SENP8: variants seen among roughly 807,000 people sequenced by gnomAD.
SENP8 encodes the protein sentrin-specific protease 8.
Under a neutral mutation model 14.4 loss-of-function variants are expected in SENP8, and 10 were observed. The ratio of observed to expected loss-of-function variants is 0.69; its 90% CI spans 0.43 to 1.18. The LOEUF (loss-of-function observed/expected upper bound fraction) is 1.18, where lower values mean the gene tolerates loss of function less well. Among genes scored for constraint, SENP8 ranks in the 50% most tolerant of loss-of-function variants. The probability of loss-of-function intolerance (pLI) is 0.00; values close to 1 mark genes in which losing one functional copy is unlikely to be tolerated. For synonymous variants in SENP8, 94 were observed against 95.5 expected (o/e 0.98, Z 0.09); for missense variants, 202 against 249.4 (o/e 0.81, Z 1.28).
chr15:72,135,140 C>T (rs547499658), intron 1 of SENP8: 38 of 201,866 alleles, frequency 1.9e-4, no homozygotes, highest in African/African-American at 8.6e-4. Context: ...CAGCTCACTG[C>T]AACCTCTGCC....
chr15:72,126,786 G>C (rs187769325), intron 1 of SENP8, among the ~76,000 whole-genome samples: 233 of 152,248 alleles, frequency 1.5e-3, no homozygotes, highest in Middle Eastern at 6.8e-3. Context: ...TATGAGAACA[G>C]ACTCTCTCAT....
chr15:72,136,819 G>A (rs2081332048), intron 1 of SENP8, among the ~76,000 whole-genome samples: 1 of 152,136 alleles, frequency 6.6e-6, no homozygotes. Flanking sequence ...ATCTGCATGT[G>A]ACAGTTTATT....
chr15:72,124,494 T>C (rs756094301), intron 1 of SENP8, among the ~76,000 whole-genome samples: 1 of 152,204 alleles, frequency 6.6e-6, no homozygotes, highest in Non-Finnish European at 1.5e-5. Context: ...GCATATTTGG[T>C]CTTGGATGTG....
At chr15:72,138,349 CTT>C (rs370827895) in intron 1 of SENP8, among the ~76,000 whole-genome samples, 40 of 135,554 alleles carry the variant, frequency 3.0e-4, no homozygotes, top group Middle Eastern at 3.8e-3. Context: ...CTAGGTATAA[CTT>C]TTTTTTTTTT....
intron 1 of SENP8, among the ~76,000 whole-genome samples, chr15:72,135,628 A>C (rs1052591139): frequency 6.6e-6 from 1 of 152,206 alleles, no homozygotes; most frequent in South Asian, 2.1e-4. Flanking sequence ...AGGCTAGTTG[A>C]GTTCTATTTG....
rs556017307 is a variant in SENP8, at chr15:72,142,085, CTTATAAGTAAAT to C, written c.*1838_*1849del. 5.3e-4 allele frequency: 80 copies of C among 152,234 alleles called. No homozygotes were observed. Among genetic ancestry groups the C allele is most frequent in the African/African-American group, 1.9e-3 (80 of 41,552 alleles). 9.4% of individuals were successfully genotyped at this position (152,234 alleles called of 1,614,324 possible). A position where few individuals can be genotyped will look rare whatever the true frequency, so the allele number is the denominator to read the frequency against. ...TCTTTCCTAACTCCCTACGATTCAT[CTTATAAGTAAAT>C]TTATAAGTAAATTTTTAAACTACAC... On this transcript the variant is annotated 3_prime_UTR_variant, in exon 2 of 2. Coordinates refer to ENST00000340912, the MANE Select transcript of SENP8 (RefSeq NM_145204.4).
At position 72,119,178 on chromosome 15, in the gene SENP8, A is replaced by G. The variant is rs372255470; in HGVS notation, c.-48+714A>G. Among the ~76,000 whole-genome samples, 23 of 152,362 alleles carry G rather than the reference A, an allele frequency of 1.5e-4. No homozygotes were observed. In the East Asian group the frequency reaches 4.2e-3, roughly 28 times the overall value. ...TAGGTAGAAGACTCAAAAGCGTACC[A>G]TGAAACCGAGAAGTGGCCTCTTCGA... On this transcript the variant is annotated intron_variant, in intron 1 of 1. Coordinates refer to ENST00000340912, the MANE Select transcript of SENP8 (RefSeq NM_145204.4).
At chr15:72,127,086 T>C (rs2081227805) in intron 1 of SENP8, among the ~76,000 whole-genome samples, 1 of 152,234 alleles carries the variant, frequency 6.6e-6, no homozygotes. Context: ...ATTCATTTAT[T>C]CTACAATTAT....
chr15:72,124,911 C>G (rs1047366927), intron 1 of SENP8, among the ~76,000 whole-genome samples: 1 of 152,058 alleles, frequency 6.6e-6, no homozygotes, highest in Non-Finnish European at 1.5e-5. Context: ...ATATTTTTAT[C>G]ATATACAGAT....
At chr15:72,127,229 CAG>C (rs1417100928) in intron 1 of SENP8, among the ~76,000 whole-genome samples, 1 of 151,890 alleles carries the variant, frequency 6.6e-6, no homozygotes, top group Non-Finnish European at 1.5e-5. Context: ...AGAGAAGAGG[CAG>C]GGGGAGGAAA....
At chr15:72,136,647 C>T (rs193164804) in intron 1 of SENP8, among the ~76,000 whole-genome samples, 73 of 152,036 alleles carry the variant, frequency 4.8e-4, no homozygotes, top group African/African-American at 1.7e-3. Context: ...TTTTGTTACA[C>T]GAAAATGGTT....
intron 1 of SENP8, among the ~76,000 whole-genome samples, chr15:72,126,484 G>A (rs986970926): frequency 2.0e-5 from 3 of 152,194 alleles, no homozygotes; most frequent in Admixed American, 2.0e-4. Context: ...AATTAGCCAG[G>A]CACAGTGGCA....
chr15:72,114,939 C>A (rs1373714629), upstream of SENP8, among the ~76,000 whole-genome samples: 2 of 152,124 alleles, frequency 1.3e-5, no homozygotes, highest in African/African-American at 4.8e-5. Context: ...AAAGACTGAA[C>A]AAACTTCCAC....
chr15:72,119,734 C>A (rs1188084136), intron 1 of SENP8, among the ~76,000 whole-genome samples: 1 of 151,902 alleles, frequency 6.6e-6, no homozygotes, highest in Non-Finnish European at 1.5e-5. Flanking sequence ...GGTGACAGAG[C>A]GAGACTCCGT....
At chr15:72,127,099 A>G (rs2081228033) in intron 1 of SENP8, among the ~76,000 whole-genome samples, 1 of 152,158 alleles carries the variant, frequency 6.6e-6, no homozygotes, top group African/African-American at 2.4e-5. Flanking sequence ...ACAATTATTT[A>G]TTGAGTACCT....
Position 72,120,632 on chromosome 15 carries a change from G to A in SENP8, c.-48+2168G>A, listed in dbSNP as rs371852668. On this transcript the variant is annotated intron_variant, in intron 1 of 1. Transcript: ENST00000340912. ...TTCTTAAATATATAAAATAGAATAC[G>A]TAGTAATATAAAGGAAACTAATTTT... is the stretch of plus-strand genomic sequence containing the variant. Among the ~76,000 whole-genome samples, 22 of 152,200 alleles carry A rather than the reference G, an allele frequency of 1.4e-4. No individual in the cohort carries two copies. The East Asian group carries it at 1.5e-3, about 11-fold the overall frequency.
chr15:72,128,292 G>C (rs1458441606), intron 1 of SENP8, among the ~76,000 whole-genome samples: 1 of 152,210 alleles, frequency 6.6e-6, no homozygotes, highest in Non-Finnish European at 1.5e-5. Context: ...TTAACCAAAT[G>C]AATAAATTTA....
At position 72,142,693 on chromosome 15, in the gene SENP8, T is replaced by C. The variant is rs2081388056; in HGVS notation, c.*2431T>C. 1 of 152,208 alleles carries C rather than the reference T, an allele frequency of 6.6e-6. No individual in the cohort carries two copies. The highest frequency in any genetic ancestry group is 1.5e-5 in the Non-Finnish European group (1 of 68,046). 9.4% of individuals were successfully genotyped at this position (152,208 alleles called of 1,614,324 possible). On this transcript the variant is annotated 3_prime_UTR_variant, in exon 2 of 2. Coordinates refer to ENST00000340912, the MANE Select transcript of SENP8 (RefSeq NM_145204.4). ...AATATAAGTATCAGTGGGTTTCCTA[T>C]GTAATAGTGTTTAAAACACAAATAT...
At position 72,140,267 on chromosome 15, in the gene SENP8, T is replaced by G; in HGVS notation, c.*5T>G. ...ACCACACTTGCTAAAAAGTAGCTAT[T>G]GAAGTATATTTGCGACTTTTGAAGG... On this transcript the variant is annotated 3_prime_UTR_variant, in exon 2 of 2. Transcript: ENST00000340912. 6.2e-7 allele frequency: 1 copy of G among 1,606,114 alleles called. No individual in the cohort carries two copies. Among genetic ancestry groups the G allele is most frequent in the Non-Finnish European group, 8.5e-7 (1 of 1,173,446 alleles).
Sources: allele counts gnomAD v4.1 joint callset (sites outside exome capture counted in the v4.1 genomes callset), GRCh38; gene constraint gnomAD v4.1.1; transcripts MANE v1.5; gene names NCBI Gene and HGNC (gene_info 2026-07-23, HGNC 2026-07-21).